GPC5: variants seen among roughly 807,000 people sequenced by gnomAD.
The protein encoded by GPC5 is glypican-5.
GPC5 carries 47 observed loss-of-function variants against 53.9 expected under a neutral mutation model. That is an observed-to-expected ratio of 0.87 (90% CI 0.69 to 1.11). The LOEUF is 1.11. Among genes scored for constraint, GPC5 ranks in the 50% most tolerant of loss-of-function variants. The pLI, the probability that GPC5 is intolerant of heterozygous loss-of-function variation, is 0.00. For missense variants in GPC5, 748 were observed against 713.1 expected (o/e 1.05, Z -0.56); for synonymous variants, 286 against 263.3 (o/e 1.09, Z -0.84).
At chr13:92,792,148 G>A (rs1363241712) in intron 7 of GPC5, among the ~76,000 whole-genome samples, 1 of 151,984 alleles carries the variant, frequency 6.6e-6, no homozygotes, top group Non-Finnish European at 1.5e-5. Flanking sequence ...AAATGTTAAG[G>A]GCAGCCAGAG....
intron 6 of GPC5, among the ~76,000 whole-genome samples, chr13:91,920,384 T>C (rs1346478894): frequency 6.6e-6 from 1 of 152,200 alleles, no homozygotes; most frequent in Non-Finnish European, 1.5e-5. Context: ...TAATAGGAAG[T>C]AAAATGATGA....
At chr13:92,718,427 G>A (rs1413855053) in intron 7 of GPC5, among the ~76,000 whole-genome samples, 2 of 152,122 alleles carry the variant, frequency 1.3e-5, no homozygotes, top group South Asian at 2.1e-4. Flanking sequence ...AGGATATTAT[G>A]TGAAGTGAAA....
chr13:92,118,084 T>C (rs75558945), intron 6 of GPC5, among the ~76,000 whole-genome samples: 1 of 152,128 alleles, frequency 6.6e-6, no homozygotes, highest in African/African-American at 2.4e-5. Flanking sequence ...GTTTTGGTTT[T>C]TTTGTTTGTT....
At chr13:91,492,097 T>C (rs1214407808) in intron 2 of GPC5, among the ~76,000 whole-genome samples, 2 of 152,218 alleles carry the variant, frequency 1.3e-5, no homozygotes, top group African/African-American at 2.4e-5. Flanking sequence ...TCTGCCCACT[T>C]GGTTGGAAAG....
At chr13:91,611,147 C>T (rs1185581758) in intron 2 of GPC5, among the ~76,000 whole-genome samples, 1 of 152,130 alleles carries the variant, frequency 6.6e-6, no homozygotes, top group Non-Finnish European at 1.5e-5. Flanking sequence ...GGGCATATGA[C>T]ATTGAGTTTT....
At chr13:91,928,167 A>G (rs1266471277) in intron 6 of GPC5, among the ~76,000 whole-genome samples, 4 of 152,164 alleles carry the variant, frequency 2.6e-5, no homozygotes, top group Non-Finnish European at 5.9e-5. Flanking sequence ...AAGAAGAACA[A>G]TATTTCTACT....
chr13:91,797,093 T>TA (rs111272227), intron 5 of GPC5, among the ~76,000 whole-genome samples: 46 of 151,226 alleles, frequency 3.0e-4, no homozygotes, highest in Non-Finnish European at 4.6e-4. Flanking sequence ...TTATCTCACT[T>TA]AAAAAAAAAT....
At chr13:91,640,548 A>G (rs138247903) in intron 2 of GPC5, among the ~76,000 whole-genome samples, 39 of 152,334 alleles carry the variant, frequency 2.6e-4, no homozygotes, top group African/African-American at 8.9e-4. Context: ...CATTTGTTCA[A>G]CCATTGTGGA....
chr13:92,297,327 T>C (rs1038148624), intron 7 of GPC5, among the ~76,000 whole-genome samples: 12 of 150,874 alleles, frequency 8.0e-5, no homozygotes, highest in Non-Finnish European at 1.6e-4. Context: ...TGTATCTAGC[T>C]CAAGGTTTGT....
chr13:92,801,313 G>A (rs1421136708), intron 7 of GPC5, among the ~76,000 whole-genome samples: 1 of 151,578 alleles, frequency 6.6e-6, no homozygotes, highest in Non-Finnish European at 1.5e-5. Context: ...TAATGGAGCT[G>A]AAAAATTCCT....
intron 7 of GPC5, among the ~76,000 whole-genome samples, chr13:92,248,737 G>A (rs539016294): frequency 1.5e-4 from 23 of 152,208 alleles, no homozygotes; most frequent in African/African-American, 4.8e-4. Flanking sequence ...GCATAAGGCC[G>A]TTGCTGAGTA....
At chr13:91,459,073 G>T (rs560500893) in intron 2 of GPC5, among the ~76,000 whole-genome samples, 1 of 151,922 alleles carries the variant, frequency 6.6e-6, no homozygotes, top group Non-Finnish European at 1.5e-5. Context: ...GGGTGGGAGG[G>T]GGGTGAGGGA....
At chr13:92,865,944 C>T (rs1879320910) in intron 7 of GPC5, among the ~76,000 whole-genome samples, 2 of 152,178 alleles carry the variant, frequency 1.3e-5, no homozygotes, top group South Asian at 2.1e-4. Flanking sequence ...GGTGATAAAT[C>T]TCTGAAACAA....
chr13:92,518,897 A>C (rs1880908069), intron 7 of GPC5, among the ~76,000 whole-genome samples: 1 of 152,228 alleles, frequency 6.6e-6, no homozygotes, highest in Admixed American at 6.5e-5. Flanking sequence ...TCACATGCAG[A>C]GACACACATA....
At chr13:92,309,112 G>T (rs2043129679) in intron 7 of GPC5, among the ~76,000 whole-genome samples, 1 of 152,070 alleles carries the variant, frequency 6.6e-6, no homozygotes, top group Non-Finnish European at 1.5e-5. Context: ...GCAGCAGAAT[G>T]AAGTGAATAT....
chr13:92,360,196 C>A (rs570844562), intron 7 of GPC5, among the ~76,000 whole-genome samples: 6 of 151,716 alleles, frequency 4.0e-5, no homozygotes, highest in South Asian at 4.1e-4. Flanking sequence ...GCCTAGGGTG[C>A]CTTCTAGCAT....
At chr13:91,900,227 T>C (rs2039484238) in intron 5 of GPC5, among the ~76,000 whole-genome samples, 1 of 152,180 alleles carries the variant, frequency 6.6e-6, no homozygotes, top group Non-Finnish European at 1.5e-5. Flanking sequence ...GAAAAGTTGG[T>C]TAAATAAAAT....
chr13:91,699,714 A>G (rs954781256), intron 3 of GPC5, among the ~76,000 whole-genome samples: 4 of 152,208 alleles, frequency 2.6e-5, no homozygotes, highest in Non-Finnish European at 5.9e-5. Context: ...TGATTTATAG[A>G]AAACACTGTA....
intron 7 of GPC5, among the ~76,000 whole-genome samples, chr13:92,282,468 A>G (rs1471087715): frequency 6.6e-6 from 1 of 152,182 alleles, no homozygotes; most frequent in Non-Finnish European, 1.5e-5. Context: ...AGTTGAAATG[A>G]AGGAAAAAAT....
Sources: gnomAD v4.1 joint callset for allele counts (sites outside exome capture counted in the v4.1 genomes callset) on GRCh38, gnomAD v4.1.1 for gene constraint, MANE v1.5 for transcripts, NCBI Gene and HGNC (gene_info 2026-07-23, HGNC 2026-07-21) for gene names.